TNIK: variants seen among roughly 807,000 people sequenced by gnomAD.
The protein encoded by TNIK is TRAF2 and NCK-interacting protein kinase.
In TNIK, 49 loss-of-function variants were observed where a neutral mutation model predicts 191.3. The observed-to-expected ratio is 0.26, with a 90% CI of 0.20 to 0.32. The LOEUF (loss-of-function observed/expected upper bound fraction) is 0.32. Among genes scored for constraint, TNIK ranks in the 10% least tolerant of loss-of-function variants. The pLI, the probability that TNIK is intolerant of heterozygous loss-of-function variation, is 1.00. For missense variants in TNIK, 1,155 were observed against 1,702.3 expected, an observed-to-expected ratio of 0.68 and a Z score of 5.66; for synonymous variants, 594 against 600.9, an observed-to-expected ratio of 0.99 and a Z score of 0.17.
At chr3:171,265,478 C>A (rs1748268289) in intron 2 of TNIK, among the ~76,000 whole-genome samples, 1 of 152,182 alleles carries the variant, frequency 6.6e-6, no homozygotes, top group Admixed American at 6.5e-5. Context: ...CAGGTAGTTA[C>A]ATGAACTGAG....
intron 2 of TNIK, among the ~76,000 whole-genome samples, chr3:171,334,937 T>C (rs1756801610): frequency 6.6e-6 from 1 of 150,722 alleles, no homozygotes; most frequent in South Asian, 2.1e-4. Flanking sequence ...ATTATTCTAC[T>C]AGCGCTTACA....
Position 171,288,168 on chromosome 3 carries a change from TGGGGAGG to T in TNIK, c.124-59954_124-59948del, listed in dbSNP as rs1203887245. Reference sequence around the variant, plus strand: ...GAATATCACACTCTGGGGACTGTGGTGGGGAGGGGGGAGGGGGGAGGGATAGCATTGG... The same window carrying T: ...GAATATCACACTCTGGGGACTGTGGTGGGGAGGGGGGAGGGATAGCATTGG... On this transcript the variant is annotated intron_variant, in intron 2 of 32. Transcript: ENST00000436636. Among the ~76,000 whole-genome samples, 9 of 54,784 alleles carry T rather than the reference TGGGGAGG, an allele frequency of 1.6e-4. No individual in the cohort carries two copies. In the Admixed American group the frequency reaches 1.7e-3, roughly 11 times the overall value. The allele number at this position is 54,784 out of a possible 152,430, so 35.9% of individuals were successfully genotyped here.
chr3:171,216,853 A>G (rs1364280085), intron 3 of TNIK, among the ~76,000 whole-genome samples: 1 of 152,136 alleles, frequency 6.6e-6, no homozygotes, highest in Non-Finnish European at 1.5e-5. Flanking sequence ...TAAATCTATT[A>G]CATCAAATAG....
In TNIK at chr3:171,238,015, C is replaced by T. The variant is rs113876095; in HGVS notation, c.124-9794G>A. Among the ~76,000 whole-genome samples, 792 of 152,310 alleles carry T rather than the reference C, an allele frequency of 5.2e-3. 6 individuals carry two copies. Among genetic ancestry groups the T allele is most frequent in the Admixed American group, 0.013 (192 of 15,298 alleles). Reference sequence around the variant, plus strand: ...GAACCTGGTCCATATTGGTTAATAGCAGAAGACCCAGATCTCCGCAAAGGC... The same window carrying T: ...GAACCTGGTCCATATTGGTTAATAGTAGAAGACCCAGATCTCCGCAAAGGC... On this transcript the variant is annotated intron_variant, in intron 2 of 32. Transcript: ENST00000436636.
At chr3:171,259,436 C>G (rs1168263820) in intron 2 of TNIK, among the ~76,000 whole-genome samples, 2 of 152,098 alleles carry the variant, frequency 1.3e-5, no homozygotes, top group Non-Finnish European at 2.9e-5. Flanking sequence ...AGAAGCTGAC[C>G]CCTCACAGGA....
intron 2 of TNIK, among the ~76,000 whole-genome samples, chr3:171,254,874 T>C (rs1427590055): frequency 6.6e-6 from 1 of 152,228 alleles, no homozygotes; most frequent in Non-Finnish European, 1.5e-5. Flanking sequence ...ATCTGATTTT[T>C]CACAGTTTTT....
intron 7 of TNIK, among the ~76,000 whole-genome samples, chr3:171,179,248 G>A (rs901717677): frequency 1.3e-5 from 2 of 152,150 alleles, no homozygotes; most frequent in Non-Finnish European, 2.9e-5. Flanking sequence ...GTTTCAAGAT[G>A]TACACAAAGA....
chr3:171,295,098 G>T (rs1048492713), intron 2 of TNIK, among the ~76,000 whole-genome samples: 4 of 152,116 alleles, frequency 2.6e-5, no homozygotes, highest in Admixed American at 2.0e-4. Context: ...ATATCCTTCT[G>T]TTCACATATT....
At position 171,093,924 on chromosome 3, in the gene TNIK, A is replaced by G; in HGVS notation, c.2636T>C (p.Met879Thr). The change falls in exon 23 of 33, where the codon ATG (methionine) becomes ACG (threonine). Residue 879 changes from methionine to threonine, a missense_variant. By Grantham distance (81) the Met-to-Thr change is moderately conservative. Around this residue, in one of 3 missense-constraint regions of TNIK, gnomAD observed 735 missense variants for 848.0 expected, o/e 0.87. Transcript: ENST00000436636. The part of the protein sequence containing the change: ...PGSNEQYNVG[M>T]VGTHGLETSH... ...GGTCTCCAGCCCATGCGTCCCCACC[A>G]TTCCCACATTGTACTGCTCGTTGCT... 1.9e-6 allele frequency: 3 copies of G among 1,613,854 alleles called. No homozygotes were observed. Among genetic ancestry groups the G allele is most frequent in the Admixed American group, 1.7e-5 (1 of 60,012 alleles).
intron 1 of TNIK, among the ~76,000 whole-genome samples, chr3:171,426,417 A>C: frequency 1.5e-5 from 1 of 66,548 alleles, no homozygotes; most frequent in Non-Finnish European, 2.7e-5. Flanking sequence ...GGGTGGGGGG[A>C]GGGGGGAGGG....
intron 2 of TNIK, among the ~76,000 whole-genome samples, chr3:171,258,901 G>T (rs1175688034): frequency 6.6e-6 from 1 of 152,154 alleles, no homozygotes; most frequent in African/African-American, 2.4e-5. Flanking sequence ...CAGAAGTTCA[G>T]TCTCTCTCAT....
intron 2 of TNIK, among the ~76,000 whole-genome samples, chr3:171,290,936 T>A (rs937759040): frequency 2.0e-5 from 3 of 152,218 alleles, no homozygotes; most frequent in African/African-American, 7.2e-5. Flanking sequence ...ACGATCTTAG[T>A]ATGTTAGTTT....
At position 171,153,956 on chromosome 3, in the gene TNIK, A is replaced by G. The variant is rs370305482; in HGVS notation, c.1221+3504T>C. 4.9e-4 allele frequency among the ~76,000 whole-genome samples: 74 copies of G among 152,304 alleles called. 1 individual carries two copies. Among genetic ancestry groups the G allele is most frequent in the African/African-American group, 1.7e-3 (70 of 41,566 alleles). ...AGTGCCTGTTTCCCTCACAGATCTA[A>G]TCGTCACAATGGGAGACTGTATTTC... On this transcript the variant is annotated intron_variant, in intron 12 of 32. Transcript: ENST00000436636.
At chr3:171,148,481 G>A (rs866280272) in intron 12 of TNIK, among the ~76,000 whole-genome samples, 29 of 152,250 alleles carry the variant, frequency 1.9e-4, no homozygotes, top group East Asian at 1.4e-3. Context: ...TAGTACCTAC[G>A]ACTCTGAATG....
intron 22 of TNIK, among the ~76,000 whole-genome samples, chr3:171,094,397 A>G (rs900245311): frequency 6.6e-6 from 1 of 151,992 alleles, no homozygotes; most frequent in African/African-American, 2.4e-5. Flanking sequence ...TGGCCTCCCA[A>G]AGTGCTGGGA....
chr3:171,099,448 C>A (rs1018212213), intron 22 of TNIK, among the ~76,000 whole-genome samples: 2 of 151,710 alleles, frequency 1.3e-5, no homozygotes, highest in Admixed American at 1.3e-4. Flanking sequence ...TCAGAACTTG[C>A]AATTTCAAAT....
intron 2 of TNIK, among the ~76,000 whole-genome samples, chr3:171,265,595 A>G (rs1748284290): frequency 1.3e-5 from 2 of 152,254 alleles, no homozygotes; most frequent in African/African-American, 4.8e-5. Flanking sequence ...TGCATTTGCA[A>G]TTCAAGCAGA....
intron 1 of TNIK, among the ~76,000 whole-genome samples, chr3:171,407,238 GA>G (rs1721814409): frequency 6.6e-6 from 1 of 152,208 alleles, no homozygotes; most frequent in African/African-American, 2.4e-5. Flanking sequence ...GTCAGTGCTG[GA>G]AAAGGGGAAG....
At chr3:171,327,869 T>C (rs1408404245) in intron 2 of TNIK, among the ~76,000 whole-genome samples, 2 of 131,580 alleles carry the variant, frequency 1.5e-5, no homozygotes, top group African/African-American at 5.7e-5. Context: ...ATCAACTTTA[T>C]ACCAGATCTG....
Sources: allele counts gnomAD v4.1 joint callset (sites outside exome capture counted in the v4.1 genomes callset), GRCh38; gene constraint gnomAD v4.1.1; regional missense constraint gnomAD v4.1.1; transcripts MANE v1.5; gene names NCBI Gene and HGNC (gene_info 2026-07-23, HGNC 2026-07-21).